ZNF207: variants seen among roughly 807,000 people sequenced by gnomAD.
ZNF207 encodes zinc finger protein 207.
ZNF207 carries 24 observed loss-of-function variants against 60.2 expected under a neutral mutation model. The ratio of observed to expected loss-of-function variants is 0.40; its 90% confidence interval spans 0.29 to 0.56. The LOEUF is 0.56. Ranked by LOEUF, ZNF207 falls within the 20% of genes least tolerant of loss-of-function variation. The pLI, the probability that ZNF207 is intolerant of heterozygous loss-of-function variation, is 0.49. For missense variants in ZNF207, 452 were observed against 636.6 expected (o/e 0.71, Z 3.12); for synonymous variants, 236 against 194.7 (o/e 1.21, Z -1.77).
rs1597755724 is a variant in ZNF207, at chr17:32,353,631, T to G, written c.168+1719T>G. ...ACCCCATCTCTACAAATACCAAAAA[T>G]TAGCTGGGCATGGTGGCAGGCACAT... On this transcript the variant is annotated intron_variant, in intron 2 of 11. Transcript: ENST00000394670. Among the ~76,000 whole-genome samples the G allele has an allele frequency of 3.0e-5, 4 of 135,228 alleles. No homozygotes were observed. In the East Asian group the frequency reaches 9.4e-4, roughly 32 times the overall value. The allele number at this position is 135,228 out of a possible 152,430, so 88.7% of individuals were successfully genotyped here. A position where few individuals can be genotyped will look rare whatever the true frequency, so the allele number is the denominator to read the frequency against.
At position 32,379,555 on chromosome 17, in the gene ZNF207, C is replaced by T. The variant is rs573287575; in HGVS notation, c.*9796C>T. On this transcript the variant is annotated 3_prime_UTR_variant, in exon 12 of 12. Coordinates refer to ENST00000394670, the MANE Select transcript of ZNF207 (RefSeq NM_001098507.2). Reference sequence around the variant, plus strand: ...AAGATTTTTCTTAGTGCTTTGGAGACATTGCATAGGTGTAAAATTAAGATA... The same window carrying T: ...AAGATTTTTCTTAGTGCTTTGGAGATATTGCATAGGTGTAAAATTAAGATA... The T allele has an allele frequency of 6.6e-6, 1 of 152,096 alleles. No individual in the cohort carries two copies. The highest frequency in any genetic ancestry group is 2.1e-4 in the South Asian group (1 of 4,822). The allele number at this position is 152,096 out of a possible 1,614,324, so 9.4% of individuals were successfully genotyped here. A position where few individuals can be genotyped will look rare whatever the true frequency, so the allele number is the denominator to read the frequency against.
rs984666345 is a variant in ZNF207 at position 32,380,130 on chromosome 17, T to G, written c.*10371T>G. The G allele has an allele frequency of 3.3e-5, 5 of 152,650 alleles. No homozygotes were observed. Among genetic ancestry groups the G allele is most frequent in the African/African-American group, 1.2e-4 (5 of 41,462 alleles). The allele number at this position is 152,650 out of a possible 1,614,324, so 9.5% of individuals were successfully genotyped here. On this transcript the variant is annotated 3_prime_UTR_variant, in exon 12 of 12. Coordinates refer to ENST00000394670, the MANE Select transcript of ZNF207 (RefSeq NM_001098507.2). ...ACCCTCAATTTATGTCTTTAAGATT[T>G]AAAGTGAAGTAAATTTCTAAGGAAC...
At chr17:32,369,092 T>G in intron 10 of ZNF207, 2 of 523,748 alleles carry the variant, frequency 3.8e-6, no homozygotes, top group South Asian at 6.6e-5. Flanking sequence ...TTAGCCATGC[T>G]TCAAGTTTAC....
intron 2 of ZNF207, among the ~76,000 whole-genome samples, 189 bp downstream of exon 2, chr17:32,352,101 G>C (rs1003131845): frequency 1.7e-4 from 26 of 152,042 alleles, no homozygotes; most frequent in Admixed American, 1.2e-3. Context: ...CGGAGTAGTT[G>C]GGACTACAGG....
chr17:32,354,469 C>G (rs892383150), intron 2 of ZNF207, among the ~76,000 whole-genome samples: 1 of 152,114 alleles, frequency 6.6e-6, no homozygotes, highest in Non-Finnish European at 1.5e-5. Flanking sequence ...CACCACCGTG[C>G]CTGCCTGAGT....
At position 32,360,740 on chromosome 17, in the gene ZNF207, A is replaced by C; in HGVS notation, c.450A>C (p.Val150=). Residue 150 remains valine, a synonymous_variant, in exon 4 of 12, where the codon GTA becomes GTC. Transcript: ENST00000394670. ...PPMAQPGLPP[V]PGAPGMPPGI... is the part of the protein sequence containing the mutation. The stretch of plus-strand genomic sequence containing the variant: ...TGGCACAGCCAGGACTGCCACCAGT[A>C]CCAGGAGCACCAGGAATGCCTCCAG... 4.3e-6 allele frequency: 7 copies of C among 1,614,146 alleles called. No individual in the cohort carries two copies. Among genetic ancestry groups the C allele is most frequent in the Non-Finnish European group, 5.9e-6 (7 of 1,180,006 alleles).
chr17:32,358,874 A>C (rs779387913), intron 3 of ZNF207, among the ~76,000 whole-genome samples: 1 of 151,772 alleles, frequency 6.6e-6, no homozygotes. Flanking sequence ...GGCTCATTGC[A>C]CTGCAACCTC....
At chr17:32,353,696 G>T (rs997174557) in intron 2 of ZNF207, among the ~76,000 whole-genome samples, 1 of 150,162 alleles carries the variant, frequency 6.7e-6, no homozygotes, top group African/African-American at 2.5e-5. Flanking sequence ...GCTGGGGGCG[G>T]GGGGCGCGAG....
At chr17:32,367,276 T>TATAG (rs1194875249) in intron 9 of ZNF207, among the ~76,000 whole-genome samples, 1 of 111,364 alleles carries the variant, frequency 9.0e-6, no homozygotes, top group East Asian at 2.3e-4. Context: ...TATATATATA[T>TATAG]ATATATATAA....
rs1905746016 is a variant in ZNF207, at chr17:32,378,217, T to C, written c.*8458T>C. The C allele has an allele frequency of 6.6e-6, 1 of 152,048 alleles. No individual in the cohort carries two copies. Among genetic ancestry groups the C allele is most frequent in the African/African-American group, 2.4e-5 (1 of 41,426 alleles). 9.4% of individuals were successfully genotyped at this position (152,048 alleles called of 1,614,324 possible). A position where few individuals can be genotyped will look rare whatever the true frequency, so the allele number is the denominator to read the frequency against. ...CTCCTTGTGGTTCAACCTAAGTAGATACATTGTACATAAAAGGAAAAGACA... is the reference window on the plus strand; with the variant it reads ...CTCCTTGTGGTTCAACCTAAGTAGACACATTGTACATAAAAGGAAAAGACA... On this transcript the variant is annotated 3_prime_UTR_variant, in exon 12 of 12. Transcript: ENST00000394670.
intron 6 of ZNF207, chr17:32,362,637 G>C (rs1447683117): frequency 3.3e-6 from 1 of 300,912 alleles, no homozygotes; most frequent in Admixed American, 5.0e-5. Flanking sequence ...GAGGCCTCTT[G>C]TACATATTGA....
At chr17:32,364,200 CTT>C (rs1905047238) in intron 7 of ZNF207, among the ~76,000 whole-genome samples, 1 of 151,928 alleles carries the variant, frequency 6.6e-6, no homozygotes, top group Admixed American at 6.6e-5. Flanking sequence ...ACCAAAATAA[CTT>C]TCCCAGAAGC....
Position 32,371,944 on chromosome 17 carries a change from G to C in ZNF207, c.*2185G>C, listed in dbSNP as rs1465538590. 6.6e-6 allele frequency: 1 copy of C among 152,170 alleles called. No homozygotes were observed. The highest frequency in any genetic ancestry group is 6.5e-5 in the Admixed American group (1 of 15,276). 9.4% of individuals were successfully genotyped at this position (152,170 alleles called of 1,614,324 possible). Reference sequence around the variant, plus strand: ...TTTCAAAATTAATACATGCTGCTTTGATTTGGCAGCACACTTAATATACTG... The same window carrying C: ...TTTCAAAATTAATACATGCTGCTTTCATTTGGCAGCACACTTAATATACTG... On this transcript the variant is annotated 3_prime_UTR_variant, in exon 12 of 12. Transcript: ENST00000394670.
Position 32,371,443 on chromosome 17 carries a change from C to G in ZNF207, c.*1684C>G, listed in dbSNP as rs1306860174. ...GCAAAACATTGCAAGTATTATAAAGCTGAATGCTATTTTAACTCACATTGG... is the reference window on the plus strand; with the variant it reads ...GCAAAACATTGCAAGTATTATAAAGGTGAATGCTATTTTAACTCACATTGG... On this transcript the variant is annotated 3_prime_UTR_variant, in exon 12 of 12. Coordinates refer to ENST00000394670, the MANE Select transcript of ZNF207 (RefSeq NM_001098507.2). 6.6e-6 allele frequency: 1 copy of G among 152,004 alleles called. No homozygotes were observed. Among genetic ancestry groups the G allele is most frequent in the African/African-American group, 2.4e-5 (1 of 41,326 alleles). 9.4% of individuals were successfully genotyped at this position (152,004 alleles called of 1,614,324 possible).
intron 6 of ZNF207, 176 bp from the exon 7 acceptor site, chr17:32,362,734 AATTT>A (rs1013935486): frequency 2.1e-6 from 1 of 468,684 alleles, no homozygotes; most frequent in African/African-American, 2.0e-5. Flanking sequence ...GGTTTTAGAC[AATTT>A]ATTTTGATAG....
rs1004590537 is a variant in ZNF207, at chr17:32,371,696, C to G, written c.*1937C>G. ...TTCCGAGGCTGCGGTGAGCTATGTT[C>G]ACTCCAGCCTGGGCAACAGAGCGAG... On this transcript the variant is annotated 3_prime_UTR_variant, in exon 12 of 12. Coordinates refer to ENST00000394670, the MANE Select transcript of ZNF207 (RefSeq NM_001098507.2). 12 of 152,198 alleles carry G rather than the reference C, an allele frequency of 7.9e-5. No individual in the cohort carries two copies. Among genetic ancestry groups the G allele is most frequent in the African/African-American group, 2.9e-4 (12 of 41,440 alleles). 9.4% of individuals were successfully genotyped at this position (152,198 alleles called of 1,614,324 possible). A position where few individuals can be genotyped will look rare whatever the true frequency, so the allele number is the denominator to read the frequency against.
chr17:32,356,320 AATTGTTTATAG>A (rs1329021812), intron 2 of ZNF207, among the ~76,000 whole-genome samples: 1 of 152,168 alleles, frequency 6.6e-6, no homozygotes, highest in African/African-American at 2.4e-5. Flanking sequence ...ATGTGAATGT[AATTGTTTATAG>A]AATGCCTGTT....
At position 32,376,258 on chromosome 17, in the gene ZNF207, T is replaced by A. The variant is rs1006391550; in HGVS notation, c.*6499T>A. The stretch of plus-strand genomic sequence containing the variant: ...AAATATATCCACCTTTTCCAAGTGT[T>A]TAAGCCCTAAAACATCTATCTTTAT... On this transcript the variant is annotated 3_prime_UTR_variant, in exon 12 of 12. Transcript: ENST00000394670. The A allele has an allele frequency of 9.9e-5, 15 of 152,050 alleles. No homozygotes were observed. Among genetic ancestry groups the A allele is most frequent in the Non-Finnish European group, 2.2e-4 (15 of 67,910 alleles). The allele number at this position is 152,050 out of a possible 1,614,324, so 9.4% of individuals were successfully genotyped here. A position where few individuals can be genotyped will look rare whatever the true frequency, so the allele number is the denominator to read the frequency against.
chr17:32,363,529 C>CTTTTTTTTTT (rs746944466), intron 7 of ZNF207, among the ~76,000 whole-genome samples: 1,578 of 69,604 alleles, frequency 0.023, 391 homozygotes, highest in Non-Finnish European at 0.028. Flanking sequence ...ATCCAACAAA[C>CTTTTTTTTTT]TTTTTTTTTT....
Sources: gnomAD v4.1 joint callset for allele counts (sites outside exome capture counted in the v4.1 genomes callset) on GRCh38, gnomAD v4.1.1 for gene constraint, MANE v1.5 for transcripts, NCBI Gene and HGNC (gene_info 2026-07-23, HGNC 2026-07-21) for gene names.